Variants in PRPF18 observed in about 807,000 individuals in gnomAD.
The protein encoded by PRPF18 is pre-mRNA processing factor 18.
PRPF18 carries 38 observed loss-of-function variants against 46.5 expected under a neutral mutation model. That is an observed-to-expected ratio of 0.82 (90% confidence interval 0.63 to 1.07). The LOEUF (loss-of-function observed/expected upper bound fraction) is 1.07, where lower values mean the gene tolerates loss of function less well. Among genes scored for constraint, PRPF18 ranks in the 50% least tolerant of loss-of-function variants. PRPF18 has a pLI of 0.00. For missense variants in PRPF18, 263 were observed against 410.0 expected, an observed-to-expected ratio of 0.64 and a Z score of 3.10; for synonymous variants, 152 against 146.7, an observed-to-expected ratio of 1.04 and a Z score of -0.26.
chr10:13,647,050 A>G, the PRPF18 span: 14 of 777,226 alleles, frequency 1.8e-5, no homozygotes, highest in Non-Finnish European at 2.2e-5. Context: ...GGGAGGCCCA[A>G]GAAAGGAGAT....
chr10:13,594,336 C>T (rs981074122), intron 1 of PRPF18, among the ~76,000 whole-genome samples: 2 of 152,088 alleles, frequency 1.3e-5, no homozygotes, highest in African/African-American at 4.8e-5. Context: ...TTCAAGTACA[C>T]GAAGAAAATT....
downstream of PRPF18, among the ~76,000 whole-genome samples, chr10:13,632,223 C>A (rs569845749): frequency 7.2e-5 from 11 of 152,184 alleles, no homozygotes; most frequent in Non-Finnish European, 1.5e-4. Context: ...TGCCTGTAGT[C>A]CCAGCTACTC....
the PRPF18 span, among the ~76,000 whole-genome samples, chr10:13,636,340 G>A: frequency 1.3e-5 from 2 of 152,162 alleles, no homozygotes; most frequent in Non-Finnish European, 2.9e-5. Flanking sequence ...GATTGTGTGA[G>A]CCCAGGAGGT....
chr10:13,587,166 G>C lies in PRPF18; in HGVS notation c.66+14G>C, dbSNP rs368466889. The C allele has an allele frequency of 4.9e-5, 78 of 1,608,160 alleles. No individual in the cohort carries two copies. The Admixed American group carries it at 8.8e-4, about 18-fold the overall frequency. On this transcript the variant is annotated intron_variant, in intron 1 of 9. Transcript: ENST00000378572. ...AACCTGCTGGTGGTGAGGACCCTGCGGTCGTGGGGGTCGGGATGTAAGAGT... is the reference window on the plus strand; with the variant it reads ...AACCTGCTGGTGGTGAGGACCCTGCCGTCGTGGGGGTCGGGATGTAAGAGT...
intron 9 of PRPF18, among the ~76,000 whole-genome samples, chr10:13,622,732 C>T (rs957558707): frequency 2.0e-5 from 3 of 152,182 alleles, no homozygotes; most frequent in Non-Finnish European, 2.9e-5. Context: ...GATAAGTCCT[C>T]CAGATACTGA....
intron 1 of PRPF18, among the ~76,000 whole-genome samples, chr10:13,596,507 G>T (rs990006304): frequency 6.6e-6 from 1 of 152,164 alleles, no homozygotes; most frequent in East Asian, 1.9e-4. Flanking sequence ...TTGTGTGGAG[G>T]TAGTACACAG....
chr10:13,628,261 C>T (rs10906427), intron 9 of PRPF18, among the ~76,000 whole-genome samples: 40,324 of 151,998 alleles, frequency 0.27, 5,781 homozygotes, highest in East Asian at 0.56. Context: ...CCACCAAGGA[C>T]TTTAAATACT....
At chr10:13,650,551 C>T in the PRPF18 span, among the ~76,000 whole-genome samples, 1 of 152,144 alleles carries the variant, frequency 6.6e-6, no homozygotes, top group Non-Finnish European at 1.5e-5. Flanking sequence ...AGATGATCGC[C>T]CTCCCATACC....
Position 13,630,608 on chromosome 10 carries a change from C to G in PRPF18, c.*268C>G, listed in dbSNP as rs1316999967. The G allele has an allele frequency of 4.4e-6, 1 of 229,026 alleles. No individual in the cohort carries two copies. The highest frequency in any genetic ancestry group is 2.3e-5 in the African/African-American group (1 of 44,074). The allele number at this position is 229,026 out of a possible 1,614,324, so 14.2% of individuals were successfully genotyped here. ...CCTCACAATTTAAATCCATAGACAACAGAAGGGGGTTTAAAATGACCTTTT... is the reference window on the plus strand; with the variant it reads ...CCTCACAATTTAAATCCATAGACAAGAGAAGGGGGTTTAAAATGACCTTTT... On this transcript the variant is annotated 3_prime_UTR_variant, in exon 10 of 10. Transcript: ENST00000378572.
chr10:13,655,462 T>C, the PRPF18 span: 1 of 152,196 alleles, frequency 6.6e-6, no homozygotes, highest in Non-Finnish European at 1.5e-5. Flanking sequence ...AGAAGGAACA[T>C]AAAGAAGGTT....
chr10:13,655,335 T>C, the PRPF18 span: 13 of 152,138 alleles, frequency 8.5e-5, no homozygotes, highest in Non-Finnish European at 1.6e-4. Flanking sequence ...AACCCTCCTG[T>C]TTGTTGGAGA....
intron 6 of PRPF18, among the ~76,000 whole-genome samples, chr10:13,613,295 T>A (rs915721014): frequency 6.6e-6 from 1 of 152,214 alleles, no homozygotes; most frequent in Non-Finnish European, 1.5e-5. Flanking sequence ...TTATTTCTGT[T>A]TCTCTTTCTC....
At chr10:13,648,668 C>A in the PRPF18 span, 1 of 152,186 alleles carries the variant, frequency 6.6e-6, no homozygotes, top group Non-Finnish European at 1.5e-5. Flanking sequence ...GAAGGAGACC[C>A]AGCCAGCCCG....
intron 3 of PRPF18, among the ~76,000 whole-genome samples, chr10:13,604,835 A>C (rs1274728136): frequency 6.6e-6 from 1 of 152,246 alleles, no homozygotes. Context: ...ATCACCAAAA[A>C]TATGCTGACA....
At chr10:13,602,922 G>A (rs546540926) in intron 3 of PRPF18, among the ~76,000 whole-genome samples, 5 of 152,172 alleles carry the variant, frequency 3.3e-5, no homozygotes, top group Non-Finnish European at 5.9e-5. Flanking sequence ...TAGTAGAAAC[G>A]AGGTTTTGCC....
chr10:13,607,868 G>T (rs1365228977), intron 4 of PRPF18, among the ~76,000 whole-genome samples: 3 of 151,926 alleles, frequency 2.0e-5, no homozygotes, highest in Admixed American at 1.3e-4. Flanking sequence ...TTGTTTTATG[G>T]CTTAGCATAT....
At chr10:13,588,403 T>C (rs2079907956) in intron 1 of PRPF18, among the ~76,000 whole-genome samples, 1 of 142,754 alleles carries the variant, frequency 7.0e-6, no homozygotes, top group Non-Finnish European at 1.5e-5. Context: ...TGAGACACCG[T>C]CTCAAAAAAA....
chr10:13,587,021 C>T lies in PRPF18; in HGVS notation c.-66C>T. 6.5e-7 allele frequency: 1 copy of T among 1,550,152 alleles called. No homozygotes were observed. Among genetic ancestry groups the T allele is most frequent in the Non-Finnish European group, 8.9e-7 (1 of 1,121,940 alleles). On this transcript the variant is annotated 5_prime_UTR_variant, in exon 1 of 10. Coordinates refer to ENST00000378572, the MANE Select transcript of PRPF18 (RefSeq NM_003675.4). The stretch of plus-strand genomic sequence containing the variant: ...CGTATACTCAGTGGGTTCGCGGCCG[C>T]CGGCCCAGTGAGGCTGGGTTCGAGG...
At chr10:13,647,872 T>A in the PRPF18 span, 1 of 151,982 alleles carries the variant, frequency 6.6e-6, no homozygotes, top group Non-Finnish European at 1.5e-5. Context: ...AAAAACAGCC[T>A]CTCTTCAATG....
Sources: allele counts gnomAD v4.1 joint callset (sites outside exome capture counted in the v4.1 genomes callset), GRCh38; gene constraint gnomAD v4.1.1; transcripts MANE v1.5; gene names NCBI Gene and HGNC (gene_info 2026-07-23, HGNC 2026-07-21).